The following KMT2C variants were observed in gnomAD, a reference collection of about 807,000 sequenced individuals.
The protein encoded by KMT2C is histone-lysine N-methyltransferase 2C.
KMT2C carries 88 observed loss-of-function variants against 507.9 expected under a neutral mutation model. The observed-to-expected ratio is 0.17, with a 90% CI of 0.15 to 0.21. The LOEUF (loss-of-function observed/expected upper bound fraction) is 0.21. Among genes scored for constraint, KMT2C ranks in the 10% least tolerant of loss-of-function variants. The pLI is 1.00. For synonymous variants in KMT2C, 2,049 were observed against 2,080.8 expected (o/e 0.98, Z 0.42); for missense variants, 4,954 against 5,957.8 (o/e 0.83, Z 5.55).
rs2093439589 is a variant in KMT2C, at chr7:152,181,693, G to T, written c.6167C>A (p.Pro2056His). The T allele has an allele frequency of 6.2e-7, 1 of 1,614,184 alleles. No homozygotes were observed. Among genetic ancestry groups the T allele is most frequent in the Non-Finnish European group, 8.5e-7 (1 of 1,180,034 alleles). The change falls in exon 36 of 59, where the codon CCT (proline) becomes CAT (histidine). Residue 2056 changes from proline (P) to histidine (H), a missense_variant. Pro to His is a moderately conservative substitution (Grantham distance 77). This residue lies in a region of KMT2C where 1,689 missense variants were observed against 1,654.3 expected (regional missense o/e 1.02). Coordinates refer to ENST00000262189, the MANE Select transcript of KMT2C (RefSeq NM_170606.3). Reference protein sequence around the residue: ...PMQPPPSSQDPYGSVSQASRR... With the variant: ...PMQPPPSSQDHYGSVSQASRR... ...TGATGCCTGTGACACTGATCCATAA[G>T]GATCCTGAGAGGATGGAGGAGGTTG...
intron 1 of KMT2C, among the ~76,000 whole-genome samples, chr7:152,365,844 G>A (rs2097238694): frequency 6.6e-6 from 1 of 152,028 alleles, no homozygotes; most frequent in Non-Finnish European, 1.5e-5. Flanking sequence ...CTATTAGTGG[G>A]GCATAGTGGC....
rs10230731 is a variant in KMT2C, at chr7:152,297,055, C to G, written c.849+12911G>C. On this transcript the variant is annotated intron_variant, in intron 6 of 58. Coordinates refer to ENST00000262189, the MANE Select transcript of KMT2C (RefSeq NM_170606.3). ...AAAGAAAGAAAGAAAGAAAGAAAGA[C>G]AGAGAGAGAGAGAGAGAGAGAGAGA... 9.2e-3 allele frequency among the ~76,000 whole-genome samples: 780 copies of G among 84,354 alleles called. 11 individuals are homozygous for G. The highest frequency in any genetic ancestry group is 0.041 in the East Asian group (119 of 2,888). 55.3% of individuals were successfully genotyped at this position (84,354 alleles called of 152,430 possible). A position where few individuals can be genotyped will look rare whatever the true frequency, so the allele number is the denominator to read the frequency against.
At position 152,310,077 on chromosome 7, in the gene KMT2C, T is replaced by A; in HGVS notation, c.740-2A>T. ...AACGGTGATGAGCCCAACAAGTGCC[T>A]AAAATGGGAAAAATGAAAAGGAGCA... is the stretch of plus-strand genomic sequence containing the variant. On this transcript the variant is annotated splice_acceptor_variant, in intron 5 of 58. Transcript: ENST00000262189. LOFTEE classifies it high-confidence loss of function. The A allele has an allele frequency of 6.3e-7, 1 of 1,593,932 alleles. No homozygotes were observed. The highest frequency in any genetic ancestry group is 8.6e-7 in the Non-Finnish European group (1 of 1,168,350).
intron 1 of KMT2C, among the ~76,000 whole-genome samples, chr7:152,385,198 C>T (rs1388704111): frequency 1.3e-5 from 2 of 152,164 alleles, no homozygotes; most frequent in Non-Finnish European, 2.9e-5. Context: ...TACAGGAACT[C>T]TACAGGGCAA....
At chr7:152,305,681 A>T (rs910531379) in intron 6 of KMT2C, among the ~76,000 whole-genome samples, 3 of 152,146 alleles carry the variant, frequency 2.0e-5, no homozygotes, top group Non-Finnish European at 4.4e-5. Flanking sequence ...TGAAAATGCA[A>T]TATTATCATT....
intron 1 of KMT2C, among the ~76,000 whole-genome samples, chr7:152,424,666 C>T (rs988585241): frequency 3.3e-5 from 5 of 152,170 alleles, no homozygotes; most frequent in African/African-American, 7.2e-5. Flanking sequence ...TCAAGTGTTC[C>T]ACATGCCTTG....
chr7:152,312,128 A>G, intron 4 of KMT2C, 182 bp from the exon 5 acceptor site: 1 of 413,220 alleles, frequency 2.4e-6, no homozygotes, highest in Non-Finnish European at 4.3e-6. Flanking sequence ...CTGGGTTGCC[A>G]TATTATATCG....
intron 3 of KMT2C, among the ~76,000 whole-genome samples, chr7:152,319,353 A>G (rs2096750518): frequency 6.6e-6 from 1 of 152,110 alleles, no homozygotes; most frequent in Admixed American, 6.5e-5. Flanking sequence ...ACCTAGGAAA[A>G]ACCAGGCCAT....
intron 1 of KMT2C, among the ~76,000 whole-genome samples, chr7:152,431,480 C>G (rs2097861904): frequency 6.6e-6 from 1 of 151,858 alleles, no homozygotes; most frequent in Non-Finnish European, 1.5e-5. Context: ...GCCTGCAGTC[C>G]CAGCTACTCC....
In KMT2C at chr7:152,162,703, G is replaced by C; in HGVS notation, c.10874C>G (p.Pro3625Arg). The change falls in exon 43 of 59, where the codon CCC becomes CGC. Residue 3625 changes from proline to arginine, a missense_variant. This residue lies in a region of KMT2C where 801 missense variants were observed against 751.2 expected (regional missense o/e 1.07). Transcript: ENST00000262189. ...DAESTKAPSTPHSDITAPPTP... is the reference protein window; with the variant it reads ...DAESTKAPSTRHSDITAPPTP... ...CGGTGGGGCAGTTATATCTGAATGG[G>C]GAGTTGATGGAGCCTTGGTGGATTC... is the stretch of plus-strand genomic sequence containing the variant. The C allele has an allele frequency of 6.2e-7, 1 of 1,614,150 alleles. No homozygotes were observed. The highest frequency in any genetic ancestry group is 8.5e-7 in the Non-Finnish European group (1 of 1,180,022).
At chr7:152,157,669 T>C in intron 44 of KMT2C, 1 of 820,558 alleles carries the variant, frequency 1.2e-6, no homozygotes, top group Non-Finnish European at 1.6e-6. Flanking sequence ...GAAGAGTAGA[T>C]GTAAACTAAA....
At chr7:152,259,658 C>A (rs1337266944) in intron 9 of KMT2C, among the ~76,000 whole-genome samples, 1 of 152,122 alleles carries the variant, frequency 6.6e-6, no homozygotes, top group Non-Finnish European at 1.5e-5. Context: ...AACAGACATT[C>A]TTGAGATAAA....
In KMT2C at chr7:152,325,454, CTTTTT is replaced by C. The variant is rs1336200814; in HGVS notation, c.389+5142_389+5146del. Among the ~76,000 whole-genome samples the C allele has an allele frequency of 9.4e-5, 14 of 149,020 alleles. No homozygotes were observed. In the East Asian group the frequency reaches 2.6e-3, roughly 28 times the overall value. ...TGAGCCACCGCACCCGGCCCCTTTT[CTTTTT>C]ATGTGTGTTTTTTTTTTTTGAGACA... On this transcript the variant is annotated intron_variant, in intron 3 of 58. Coordinates refer to ENST00000262189, the MANE Select transcript of KMT2C (RefSeq NM_170606.3).
chr7:152,356,539 G>A (rs2097152868), intron 2 of KMT2C, among the ~76,000 whole-genome samples: 1 of 151,874 alleles, frequency 6.6e-6, no homozygotes, highest in African/African-American at 2.4e-5. Flanking sequence ...TCACGCCACT[G>A]CACTCCAGCC....
chr7:152,164,763 TTAATA>T (rs1791950352), intron 42 of KMT2C, among the ~76,000 whole-genome samples: 1 of 152,268 alleles, frequency 6.6e-6, no homozygotes, highest in Admixed American at 6.5e-5. Context: ...AAATAGACTC[TTAATA>T]TAATGGCTAA....
chr7:152,158,015 T>A (rs1204652874), intron 44 of KMT2C: 1 of 889,798 alleles, frequency 1.1e-6, no homozygotes, highest in Non-Finnish European at 1.5e-6. Flanking sequence ...CTTTGTTGAA[T>A]AAGGCTTCAG....
intron 6 of KMT2C, among the ~76,000 whole-genome samples, chr7:152,288,465 G>A (rs1420398448): frequency 3.3e-5 from 5 of 151,784 alleles, no homozygotes; most frequent in African/African-American, 7.3e-5. Flanking sequence ...ACCCAGGGGC[G>A]GAGTTTGCAG....
chr7:152,429,491 C>T (rs1321871388), intron 1 of KMT2C, among the ~76,000 whole-genome samples: 3 of 151,936 alleles, frequency 2.0e-5, no homozygotes, highest in Non-Finnish European at 4.4e-5. Flanking sequence ...ATCAACACTT[C>T]CAATTATAAA....
At chr7:152,223,230 A>G (rs1042376863) in intron 20 of KMT2C, among the ~76,000 whole-genome samples, 3 of 152,178 alleles carry the variant, frequency 2.0e-5, no homozygotes, top group African/African-American at 7.2e-5. Context: ...AAAGAGTACA[A>G]CAATATACCA....
Sources: allele counts gnomAD v4.1 joint callset (sites outside exome capture counted in the v4.1 genomes callset), GRCh38; gene constraint gnomAD v4.1.1; regional missense constraint gnomAD v4.1.1; transcripts MANE v1.5; gene names NCBI Gene and HGNC (gene_info 2026-07-23, HGNC 2026-07-21).